Variants in KCTD16 observed in about 807,000 individuals in gnomAD.
KCTD16 encodes the protein BTB/POZ domain-containing protein KCTD16.
Under a neutral mutation model 33.2 loss-of-function variants are expected in KCTD16, and 13 were observed. That is an observed-to-expected ratio of 0.39 (90% CI 0.25 to 0.62). The LOEUF (loss-of-function observed/expected upper bound fraction) is 0.62, where lower values mean the gene tolerates loss of function less well. Ranked by LOEUF, KCTD16 falls within the 20% of genes least tolerant of loss-of-function variation. The probability of loss-of-function intolerance (pLI) is 0.50; values close to 1 mark genes in which losing one functional copy is unlikely to be tolerated. For synonymous variants in KCTD16, 197 were observed against 195.3 expected (o/e 1.01, Z -0.07); for missense variants, 441 against 525.1 (o/e 0.84, Z 1.57).
chr5:144,368,717 C>A (rs1325067100), intron 3 of KCTD16, among the ~76,000 whole-genome samples: 5 of 152,096 alleles, frequency 3.3e-5, no homozygotes, highest in African/African-American at 1.2e-4. Context: ...TGTTTTAAGT[C>A]AGTGAGTTTC....
At chr5:144,440,293 T>G (rs922359804) in intron 3 of KCTD16, among the ~76,000 whole-genome samples, 1 of 152,208 alleles carries the variant, frequency 6.6e-6, no homozygotes, top group African/African-American at 2.4e-5. Flanking sequence ...TGCAAATGCA[T>G]GATACAATTC....
At chr5:144,226,930 C>T (rs963414815) in intron 3 of KCTD16, among the ~76,000 whole-genome samples, 2 of 152,070 alleles carry the variant, frequency 1.3e-5, no homozygotes, top group African/African-American at 4.8e-5. Context: ...GTATTTTTTC[C>T]AGGCTTTATG....
intron 3 of KCTD16, among the ~76,000 whole-genome samples, chr5:144,227,842 G>A (rs1218058300): frequency 6.6e-6 from 1 of 152,200 alleles, no homozygotes; most frequent in Non-Finnish European, 1.5e-5. Context: ...TGTGTTGTAT[G>A]AGCAAAAGAA....
intron 3 of KCTD16, among the ~76,000 whole-genome samples, chr5:144,452,023 A>G (rs1219329882): frequency 6.6e-6 from 1 of 151,672 alleles, no homozygotes; most frequent in Non-Finnish European, 1.5e-5. Flanking sequence ...GGCGTTACAA[A>G]CAGACATTTC....
At chr5:144,215,700 C>A (rs1449374618) in intron 3 of KCTD16, among the ~76,000 whole-genome samples, 1 of 152,194 alleles carries the variant, frequency 6.6e-6, no homozygotes. Flanking sequence ...AAAACAGTGC[C>A]AGACACCCAG....
intron 3 of KCTD16, among the ~76,000 whole-genome samples, chr5:144,276,363 G>A (rs1755437571): frequency 6.6e-6 from 1 of 152,088 alleles, no homozygotes; most frequent in African/African-American, 2.4e-5. Flanking sequence ...AGTTTATTCA[G>A]CCAGTCCCTG....
chr5:144,388,636 C>A (rs73795528), intron 3 of KCTD16, among the ~76,000 whole-genome samples: 2,259 of 152,246 alleles, frequency 0.015, 52 homozygotes, highest in African/African-American at 0.05. Context: ...ATAAGAAGGT[C>A]TCAATTCACA....
chr5:144,468,206 T>C (rs1400007864), intron 3 of KCTD16, among the ~76,000 whole-genome samples: 1 of 152,192 alleles, frequency 6.6e-6, no homozygotes, highest in East Asian at 1.9e-4. Context: ...AATAACTGCA[T>C]TTTCTTTTAC....
intron 3 of KCTD16, among the ~76,000 whole-genome samples, chr5:144,419,696 A>G (rs1466764855): frequency 6.6e-6 from 1 of 152,170 alleles, no homozygotes; most frequent in Non-Finnish European, 1.5e-5. Context: ...GTGGAAATAT[A>G]CCTATCCTAT....
chr5:144,315,954 G>GT (rs1283857538), intron 3 of KCTD16, among the ~76,000 whole-genome samples: 1 of 149,652 alleles, frequency 6.7e-6, no homozygotes, highest in Non-Finnish European at 1.5e-5. Flanking sequence ...TTCAATTGCT[G>GT]TAACTTTATA....
At chr5:144,409,839 A>C (rs1476505666) in intron 3 of KCTD16, among the ~76,000 whole-genome samples, 1 of 151,838 alleles carries the variant, frequency 6.6e-6, no homozygotes, top group Admixed American at 6.5e-5. Context: ...AACAACAACA[A>C]CAACAAAAGA....
At chr5:144,314,423 G>A (rs1204468530) in intron 3 of KCTD16, among the ~76,000 whole-genome samples, 1 of 152,112 alleles carries the variant, frequency 6.6e-6, no homozygotes, top group Non-Finnish European at 1.5e-5. Flanking sequence ...TGCTGTTCAT[G>A]GAGTCTACAT....
intron 3 of KCTD16, among the ~76,000 whole-genome samples, chr5:144,283,370 A>T (rs775635833): frequency 2.6e-5 from 4 of 152,226 alleles, no homozygotes; most frequent in Non-Finnish European, 4.4e-5. Flanking sequence ...AGCCATAATC[A>T]GTGGGAGAGA....
At chr5:144,359,645 C>T (rs935540335) in intron 3 of KCTD16, among the ~76,000 whole-genome samples, 1 of 150,750 alleles carries the variant, frequency 6.6e-6, no homozygotes, top group Non-Finnish European at 1.5e-5. Flanking sequence ...TTTTGGTTGT[C>T]ATAACTGGGG....
At chr5:144,465,182 C>CT (rs1233873039) in intron 3 of KCTD16, among the ~76,000 whole-genome samples, 12 of 99,352 alleles carry the variant, frequency 1.2e-4, no homozygotes, top group Non-Finnish European at 1.8e-4. Context: ...GTCTCTCTCT[C>CT]CCCCCCCTCT....
chr5:144,252,542 A>G (rs947614793), intron 3 of KCTD16, among the ~76,000 whole-genome samples: 1 of 152,162 alleles, frequency 6.6e-6, no homozygotes, highest in Non-Finnish European at 1.5e-5. Context: ...TCAAAGAGCC[A>G]AAAGTGTTCA....
intron 3 of KCTD16, among the ~76,000 whole-genome samples, chr5:144,447,916 C>G (rs1753857565): frequency 6.6e-6 from 1 of 152,092 alleles, no homozygotes; most frequent in Admixed American, 6.6e-5. Context: ...ATACCCTAGA[C>G]CACTTAAATT....
At chr5:144,229,789 G>A (rs1477629602) in intron 3 of KCTD16, among the ~76,000 whole-genome samples, 4 of 152,078 alleles carry the variant, frequency 2.6e-5, no homozygotes, top group East Asian at 1.9e-4. Flanking sequence ...CAAATGTTTT[G>A]TGTCATTCGC....
intron 3 of KCTD16, among the ~76,000 whole-genome samples, chr5:144,220,782 A>T (rs1210301638): frequency 6.6e-6 from 1 of 152,114 alleles, no homozygotes; most frequent in East Asian, 1.9e-4. Context: ...TCTACTAAAA[A>T]TATAAAAAAT....
Sources: gnomAD v4.1 joint callset for allele counts (sites outside exome capture counted in the v4.1 genomes callset) on GRCh38, gnomAD v4.1.1 for gene constraint, MANE v1.5 for transcripts, NCBI Gene and HGNC (gene_info 2026-07-23, HGNC 2026-07-21) for gene names.